The following IP6K1 variants were observed in gnomAD, a reference collection of about 807,000 sequenced individuals.
IP6K1 encodes ATP:1D-myo-inositol-hexakisphosphate phosphotransferase.
In IP6K1, 13 loss-of-function variants were observed where a neutral mutation model predicts 38.3. The ratio of observed to expected loss-of-function variants is 0.34; its 90% CI spans 0.22 to 0.54. The LOEUF is 0.54. IP6K1 is among the 20% of genes least tolerant of loss of function. IP6K1 has a pLI of 0.92. For missense variants in IP6K1, 397 were observed against 599.8 expected, an observed-to-expected ratio of 0.66 and a Z score of 3.53; for synonymous variants, 212 against 229.9, an observed-to-expected ratio of 0.92 and a Z score of 0.70.
intron 1 of IP6K1, among the ~76,000 whole-genome samples, chr3:49,774,863 C>G (rs531580435): frequency 6.6e-6 from 1 of 151,866 alleles, no homozygotes; most frequent in East Asian, 1.9e-4. Flanking sequence ...TCCTGTAGGC[C>G]TCTGGTCATA....
chr3:49,782,416 A>G, intron 1 of IP6K1, among the ~76,000 whole-genome samples: 1 of 151,830 alleles, frequency 6.6e-6, no homozygotes, highest in East Asian at 2.0e-4. Context: ...TGACCCGCCC[A>G]CCTTGGCCTC....
chr3:49,785,763 A>C (rs1370044393), intron 1 of IP6K1: 2 of 152,236 alleles, frequency 1.3e-5, no homozygotes, highest in African/African-American at 4.8e-5. Flanking sequence ...AAACTCAGCC[A>C]TTATGGACAT....
intron 1 of IP6K1, among the ~76,000 whole-genome samples, chr3:49,756,360 A>G (rs2080822462): frequency 6.6e-6 from 1 of 152,188 alleles, no homozygotes; most frequent in South Asian, 2.1e-4. Flanking sequence ...CTGGATTCCT[A>G]AAGATTAGAA....
intron 1 of IP6K1, among the ~76,000 whole-genome samples, chr3:49,757,541 T>A (rs2080834369): frequency 6.6e-6 from 1 of 151,782 alleles, no homozygotes; most frequent in African/African-American, 2.4e-5. Context: ...CTGGGCAACA[T>A]GGCAAAATAC....
At chr3:49,737,241 G>A (rs554743047) in intron 3 of IP6K1, among the ~76,000 whole-genome samples, 7 of 152,226 alleles carry the variant, frequency 4.6e-5, no homozygotes, top group African/African-American at 1.7e-4. Flanking sequence ...CTGCTAAATT[G>A]TTTCCCAAGT....
At chr3:49,760,030 G>T in intron 1 of IP6K1, among the ~76,000 whole-genome samples, 1 of 152,144 alleles carries the variant, frequency 6.6e-6, no homozygotes, top group South Asian at 2.1e-4. Context: ...AGCTTCCTGA[G>T]TGGCTGGGAC....
At position 49,747,882 on chromosome 3, in the gene IP6K1, G is replaced by A. The variant is rs187248712; in HGVS notation, c.159C>T (p.Ser53=). The A allele has an allele frequency of 9.3e-6, 15 of 1,614,170 alleles. No individual in the cohort carries two copies. The Admixed American group carries it at 2.5e-4, about 27-fold the overall frequency. ...GGGACTCGTAAAAGCGCTGTTCCCGGGAGATGAGGGGCTTGCACACAGTGT... is the reference window on the plus strand; with the variant it reads ...GGGACTCGTAAAAGCGCTGTTCCCGAGAGATGAGGGGCTTGCACACAGTGT... ...DDHTVCKPLI[S]REQRFYESLP... The change falls in exon 2 of 6, where the codon TCC becomes TCT. Residue 53 remains serine, a synonymous_variant. Coordinates refer to ENST00000321599, the MANE Select transcript of IP6K1 (RefSeq NM_153273.4).
At position 49,786,503 on chromosome 3, in the gene IP6K1, C is replaced by G. The variant is rs2081114602; in HGVS notation, c.-278G>C. On this transcript the variant is annotated 5_prime_UTR_variant, in exon 1 of 6. Transcript: ENST00000321599. ...ACCGGCCGCTTGGTCCAGCTCCCGGCGCTGCCCACTGGGTACGGATCAACA... is the reference window on the plus strand; with the variant it reads ...ACCGGCCGCTTGGTCCAGCTCCCGGGGCTGCCCACTGGGTACGGATCAACA... 6.6e-6 allele frequency: 1 copy of G among 152,618 alleles called. No homozygotes were observed. The highest frequency in any genetic ancestry group is 1.9e-4 in the East Asian group (1 of 5,186). 9.5% of individuals were successfully genotyped at this position (152,618 alleles called of 1,614,324 possible).
At chr3:49,757,270 C>T (rs1026428424) in intron 1 of IP6K1, among the ~76,000 whole-genome samples, 7 of 152,194 alleles carry the variant, frequency 4.6e-5, no homozygotes, top group African/African-American at 7.2e-5. Flanking sequence ...TCCTTTTCTT[C>T]ACCACTATCC....
chr3:49,758,890 G>C (rs2080846314), intron 1 of IP6K1, among the ~76,000 whole-genome samples: 1 of 151,932 alleles, frequency 6.6e-6, no homozygotes, highest in Non-Finnish European at 1.5e-5. Flanking sequence ...GAACCCAGGA[G>C]GCGGAGGTTA....
intron 2 of IP6K1, among the ~76,000 whole-genome samples, chr3:49,739,733 A>G (rs892285864): frequency 6.6e-6 from 1 of 151,992 alleles, no homozygotes; most frequent in Non-Finnish European, 1.5e-5. Flanking sequence ...AGCTCACTAC[A>G]ACCTCGAACT....
intron 1 of IP6K1, among the ~76,000 whole-genome samples, chr3:49,776,861 T>C (rs926088080): frequency 3.9e-5 from 6 of 152,176 alleles, no homozygotes; most frequent in Non-Finnish European, 8.8e-5. Flanking sequence ...GATAGAAAGA[T>C]TGGCACCTGT....
At chr3:49,783,684 G>A (rs1257873809) in intron 1 of IP6K1, among the ~76,000 whole-genome samples, 2 of 148,286 alleles carry the variant, frequency 1.3e-5, no homozygotes, top group South Asian at 2.1e-4. Flanking sequence ...CTGCACTCCA[G>A]CCAGCGCAAC....
At position 49,748,165 on chromosome 3, in the gene IP6K1, T is replaced by C. The variant is rs2080739691; in HGVS notation, c.-125A>G. On this transcript the variant is annotated 5_prime_UTR_variant, in exon 2 of 6. Coordinates refer to ENST00000321599, the MANE Select transcript of IP6K1 (RefSeq NM_153273.4). Reference sequence around the variant, plus strand: ...TCAGATTCTATTCAGCTTATTATTCTGTCCTACAGAAAAGAAGAGAGGAAG... The same window carrying C: ...TCAGATTCTATTCAGCTTATTATTCCGTCCTACAGAAAAGAAGAGAGGAAG... The C allele has an allele frequency of 7.4e-6, 7 of 948,036 alleles. No homozygotes were observed. The highest frequency in any genetic ancestry group is 1.1e-5 in the Non-Finnish European group (7 of 623,424). The allele number at this position is 948,036 out of a possible 1,614,324, so 58.7% of individuals were successfully genotyped here.
intron 1 of IP6K1, among the ~76,000 whole-genome samples, chr3:49,776,254 C>T (rs558836506): frequency 5.3e-5 from 8 of 152,094 alleles, no homozygotes; most frequent in South Asian, 2.1e-4. Flanking sequence ...CAGTGGCACA[C>T]GCGTGTAATC....
At chr3:49,728,528 G>A in intron 4 of IP6K1, 1 of 449,224 alleles carries the variant, frequency 2.2e-6, no homozygotes, top group Admixed American at 3.6e-5. Flanking sequence ...TTACTTTGTT[G>A]TATAACCATC....
rs1433754737 is a variant in IP6K1 at position 49,772,344 on chromosome 3, A to AAT, written c.-129+14008_-129+14009dup. 2.4e-4 allele frequency among the ~76,000 whole-genome samples: 35 copies of AAT among 147,832 alleles called. 1 individual carries two copies. The highest frequency in any genetic ancestry group is 7.1e-3 in the Middle Eastern group (2 of 280). On this transcript the variant is annotated intron_variant, in intron 1 of 5. Coordinates refer to ENST00000321599, the MANE Select transcript of IP6K1 (RefSeq NM_153273.4). ...TATATAATATATAGGAAGACTATATAATATATAAAATATATATATATAGAA... is the reference window on the plus strand; with the variant it reads ...TATATAATATATAGGAAGACTATATAATATATATAAAATATATATATATAGAA...
At chr3:49,739,683 T>TA (rs1215569144) in intron 2 of IP6K1, among the ~76,000 whole-genome samples, 1 of 152,072 alleles carries the variant, frequency 6.6e-6, no homozygotes, top group East Asian at 1.9e-4. Flanking sequence ...TTCTTCTTCT[T>TA]AAGAGACAGG....
At chr3:49,734,040 A>C (rs139467787) in intron 3 of IP6K1, among the ~76,000 whole-genome samples, 3 of 152,314 alleles carry the variant, frequency 2.0e-5, no homozygotes, top group South Asian at 2.1e-4. Flanking sequence ...TGGGAGGCTA[A>C]GGTGGGAGGA....
Sources: gnomAD v4.1 joint callset for allele counts (sites outside exome capture counted in the v4.1 genomes callset) on GRCh38, gnomAD v4.1.1 for gene constraint, MANE v1.5 for transcripts, NCBI Gene and HGNC (gene_info 2026-07-23, HGNC 2026-07-21) for gene names.